The following ZNF385B variants were observed in gnomAD, a reference collection of about 807,000 sequenced individuals.
The protein encoded by ZNF385B is zinc finger protein 533.
Under a neutral mutation model 39.2 loss-of-function variants are expected in ZNF385B, and 23 were observed. That is an observed-to-expected ratio of 0.59 (90% confidence interval 0.42 to 0.83). The LOEUF (loss-of-function observed/expected upper bound fraction) is 0.83. ZNF385B is among the 40% of genes least tolerant of loss of function. The probability of loss-of-function intolerance (pLI) is 0.00; values close to 1 mark genes in which losing one functional copy is unlikely to be tolerated. For synonymous variants in ZNF385B, 205 were observed against 222.6 expected, an observed-to-expected ratio of 0.92 and a Z score of 0.70; for missense variants, 552 against 598.9, an observed-to-expected ratio of 0.92 and a Z score of 0.82.
intron 3 of ZNF385B, among the ~76,000 whole-genome samples, chr2:179,708,024 T>C (rs1485242085): frequency 6.6e-6 from 1 of 152,142 alleles, no homozygotes; most frequent in Admixed American, 6.5e-5. Context: ...TGCCAGGGTG[T>C]CCAGGGGTCA....
intron 1 of ZNF385B, among the ~76,000 whole-genome samples, chr2:179,792,375 C>CTTTTTTTTTTTTT (rs374147864): frequency 1.6e-3 from 198 of 124,014 alleles, no homozygotes; most frequent in Non-Finnish European, 2.4e-3. Flanking sequence ...ATTTTCTTTT[C>CTTTTTTTTTTTTT]TTTTTTTTTT....
At chr2:179,657,411 G>A (rs933943440) in intron 3 of ZNF385B, among the ~76,000 whole-genome samples, 13 of 152,160 alleles carry the variant, frequency 8.5e-5, no homozygotes, top group South Asian at 2.1e-4. Flanking sequence ...GCTCAAAACC[G>A]TGGCTCATTT....
chr2:179,540,386 C>G (rs549884434), intron 4 of ZNF385B, among the ~76,000 whole-genome samples: 2 of 152,030 alleles, frequency 1.3e-5, no homozygotes, highest in African/African-American at 4.8e-5. Flanking sequence ...GCAGAGGTTG[C>G]GGTGAGCCGA....
intron 1 of ZNF385B, among the ~76,000 whole-genome samples, chr2:179,849,501 C>T (rs892960375): frequency 1.3e-5 from 2 of 152,122 alleles, no homozygotes; most frequent in African/African-American, 4.8e-5. Flanking sequence ...GATTTGTTGG[C>T]ATAATTCTTT....
intron 3 of ZNF385B, among the ~76,000 whole-genome samples, chr2:179,732,263 C>G (rs1017115263): frequency 6.6e-6 from 1 of 152,182 alleles, no homozygotes; most frequent in African/African-American, 2.4e-5. Flanking sequence ...GGCACTGAGA[C>G]TAATATCATG....
intron 6 of ZNF385B, among the ~76,000 whole-genome samples, chr2:179,478,664 AC>A (rs757829941): frequency 6.6e-6 from 1 of 152,222 alleles, no homozygotes; most frequent in Non-Finnish European, 1.5e-5. Context: ...AGCTTTACAT[AC>A]TTTAAACTAG....
intron 3 of ZNF385B, among the ~76,000 whole-genome samples, chr2:179,728,882 T>TTGAAAATTA (rs1701193746): frequency 6.6e-6 from 1 of 152,096 alleles, no homozygotes; most frequent in African/African-American, 2.4e-5. Context: ...CAGGAAACTA[T>TTGAAAATTA]TGAAAATTAT....
intron 3 of ZNF385B, among the ~76,000 whole-genome samples, chr2:179,709,718 G>C (rs908286): frequency 0.028 from 4,237 of 152,272 alleles, 180 homozygotes; most frequent in African/African-American, 0.093. Context: ...TTCTACTTGT[G>C]CACAGGGAGG....
intron 4 of ZNF385B, among the ~76,000 whole-genome samples, chr2:179,532,241 T>A (rs180693186): frequency 1.6e-4 from 25 of 152,354 alleles, no homozygotes; most frequent in African/African-American, 6.0e-4. Context: ...CAAAACTATT[T>A]CATTTACCAA....
chr2:179,755,481 T>C (rs1702955518), intron 3 of ZNF385B, among the ~76,000 whole-genome samples: 1 of 152,242 alleles, frequency 6.6e-6, no homozygotes, highest in East Asian at 1.9e-4. Context: ...AAGTCCTGGA[T>C]ATCCTTGTTA....
At chr2:179,561,785 C>T (rs1050560797) in intron 3 of ZNF385B, among the ~76,000 whole-genome samples, 2 of 152,142 alleles carry the variant, frequency 1.3e-5, no homozygotes, top group African/African-American at 4.8e-5. Flanking sequence ...GCTAAACTTA[C>T]CTGGTTTCCA....
At chr2:179,793,308 C>T (rs986445257) in intron 1 of ZNF385B, among the ~76,000 whole-genome samples, 2 of 152,206 alleles carry the variant, frequency 1.3e-5, no homozygotes, top group South Asian at 4.1e-4. Flanking sequence ...TGAGCACTAC[C>T]ACTCAGCAAG....
At chr2:179,722,328 C>T (rs77517004) in intron 3 of ZNF385B, among the ~76,000 whole-genome samples, 5,887 of 152,200 alleles carry the variant, frequency 0.039, 153 homozygotes, top group East Asian at 0.07. Context: ...TAGTGCTTTG[C>T]TCAGTCAGCT....
chr2:179,523,799 CTATT>C (rs1553596532), intron 4 of ZNF385B, among the ~76,000 whole-genome samples: 1 of 152,026 alleles, frequency 6.6e-6, no homozygotes, highest in Non-Finnish European at 1.5e-5. Flanking sequence ...TTTATCTGTA[CTATT>C]TATTTTATTC....
intron 3 of ZNF385B, among the ~76,000 whole-genome samples, chr2:179,753,918 C>T (rs1702846217): frequency 6.6e-6 from 1 of 152,132 alleles, no homozygotes; most frequent in African/African-American, 2.4e-5. Context: ...ATTGAATACT[C>T]TTTATTTCTT....
chr2:179,728,517 G>T (rs1701167816), intron 3 of ZNF385B, among the ~76,000 whole-genome samples: 1 of 152,102 alleles, frequency 6.6e-6, no homozygotes, highest in Non-Finnish European at 1.5e-5. Context: ...TCTTTTATAT[G>T]GAAGAGAGCA....
intron 3 of ZNF385B, among the ~76,000 whole-genome samples, chr2:179,666,185 T>C (rs3106724): frequency 0.028 from 4,288 of 152,262 alleles, 195 homozygotes; most frequent in African/African-American, 0.097. Context: ...AAAATTTCAT[T>C]AAGGAAATCA....
intron 1 of ZNF385B, among the ~76,000 whole-genome samples, chr2:179,779,518 C>T (rs1379774822): frequency 6.6e-6 from 1 of 152,172 alleles, no homozygotes; most frequent in East Asian, 1.9e-4. Context: ...AAAAAAATCA[C>T]AACTGGATTC....
chr2:179,825,922 C>T (rs1707658109), intron 1 of ZNF385B, among the ~76,000 whole-genome samples: 1 of 152,162 alleles, frequency 6.6e-6, no homozygotes, highest in Non-Finnish European at 1.5e-5. Flanking sequence ...CTCTGTCCTC[C>T]CATGATTCTA....
Sources: gnomAD v4.1 joint callset for allele counts (sites outside exome capture counted in the v4.1 genomes callset) on GRCh38, gnomAD v4.1.1 for gene constraint, MANE v1.5 for transcripts, NCBI Gene and HGNC (gene_info 2026-07-23, HGNC 2026-07-21) for gene names.